The following KCTD8 variants were observed in gnomAD, a reference collection of about 807,000 sequenced individuals.
The protein encoded by KCTD8 is BTB/POZ domain-containing protein KCTD8.
A neutral mutation model predicts 31.5 loss-of-function variants in KCTD8; 27 were observed. That is an observed-to-expected ratio of 0.86 (90% CI 0.63 to 1.18). The LOEUF (loss-of-function observed/expected upper bound fraction) is 1.18. Ranked by LOEUF, KCTD8 falls within the 50% of genes most tolerant of loss-of-function variation. KCTD8 has a pLI of 0.00. For synonymous variants in KCTD8, 290 were observed against 280.0 expected, an observed-to-expected ratio of 1.04 and a Z score of -0.36; for missense variants, 658 against 647.7, an observed-to-expected ratio of 1.02 and a Z score of -0.17.
intron 1 of KCTD8, among the ~76,000 whole-genome samples, chr4:44,178,469 A>T (rs1713282859): frequency 6.6e-6 from 1 of 152,108 alleles, no homozygotes. Context: ...TATATAAATA[A>T]ATGTTGTTTT....
intron 1 of KCTD8, among the ~76,000 whole-genome samples, chr4:44,212,038 A>G (rs182094007): frequency 9.9e-4 from 151 of 152,308 alleles, no homozygotes; most frequent in Admixed American, 1.9e-3. Flanking sequence ...AACATTATAC[A>G]CAGAGAATAG....
At chr4:44,220,212 G>C (rs961647318) in intron 1 of KCTD8, among the ~76,000 whole-genome samples, 1 of 152,158 alleles carries the variant, frequency 6.6e-6, no homozygotes, top group Non-Finnish European at 1.5e-5. Context: ...GATATAGAGT[G>C]GGGGATAGAC....
At chr4:44,211,178 A>C (rs1039605771) in intron 1 of KCTD8, among the ~76,000 whole-genome samples, 3 of 152,230 alleles carry the variant, frequency 2.0e-5, no homozygotes, top group African/African-American at 7.2e-5. Context: ...GTAACATGTT[A>C]TATAATGAAG....
intron 1 of KCTD8, among the ~76,000 whole-genome samples, chr4:44,374,269 G>A (rs962176286): frequency 6.6e-6 from 1 of 152,136 alleles, no homozygotes; most frequent in Admixed American, 6.5e-5. Flanking sequence ...AGAACAGCGG[G>A]CTGACCTAAA....
chr4:44,268,204 T>C (rs1357133522), intron 1 of KCTD8, among the ~76,000 whole-genome samples: 1 of 151,670 alleles, frequency 6.6e-6, no homozygotes, highest in African/African-American at 2.4e-5. Context: ...CATAATCAAG[T>C]GGGCTTCATC....
intron 1 of KCTD8, among the ~76,000 whole-genome samples, chr4:44,365,601 A>G (rs780570690): frequency 6.6e-6 from 1 of 152,198 alleles, no homozygotes. Context: ...GGCAAAAAAT[A>G]GTAATCTTAA....
At chr4:44,385,426 A>G (rs2109445884) in intron 1 of KCTD8, among the ~76,000 whole-genome samples, 1 of 151,842 alleles carries the variant, frequency 6.6e-6, no homozygotes, top group South Asian at 2.1e-4. Flanking sequence ...ATTTTTGACA[A>G]AAGTGCCAAC....
rs184972342 is a variant in KCTD8, at chr4:44,448,403, G to A, written c.121C>T (p.Pro41Ser). 3.2e-5 allele frequency: 51 copies of A among 1,576,980 alleles called. No homozygotes were observed. The highest frequency in any genetic ancestry group is 4.3e-5 in the Non-Finnish European group (50 of 1,166,626). The change falls in exon 1 of 2, where the codon CCC becomes TCC. Residue 41 changes from proline to serine, a missense_variant. Physicochemically the swap from Pro to Ser is moderately conservative, Grantham distance 74 (BLOSUM62 -1). Transcript: ENST00000360029. The surrounding 1 kb of genome is among the most constrained non-coding windows in gnomAD (Gnocchi z 4.1). ...TTCAGCTCCACTACTTCAGGGAAGG[G>A]CGAGGGTGCGCAGGGCCCCGGGGCG... ...AAAPGPCAPSPFPEVVELNVG... is the reference protein window; with the variant it reads ...AAAPGPCAPSSFPEVVELNVG...
chr4:44,247,825 G>A (rs2109359970), intron 1 of KCTD8, among the ~76,000 whole-genome samples: 1 of 151,802 alleles, frequency 6.6e-6, no homozygotes, highest in Non-Finnish European at 1.5e-5. Context: ...TATATATATA[G>A]GCATATATAT....
chr4:44,222,013 A>G (rs772899492), intron 1 of KCTD8, among the ~76,000 whole-genome samples: 1 of 152,146 alleles, frequency 6.6e-6, no homozygotes, highest in African/African-American at 2.4e-5. Context: ...AAAATCAATA[A>G]CCATGTCTGT....
intron 1 of KCTD8, among the ~76,000 whole-genome samples, chr4:44,291,116 T>C (rs1717259929): frequency 6.6e-6 from 1 of 151,984 alleles, no homozygotes; most frequent in African/African-American, 2.4e-5. Flanking sequence ...CAATCAGAAA[T>C]GACAGAGATA....
chr4:44,424,935 G>A (rs1721308885), intron 1 of KCTD8, among the ~76,000 whole-genome samples: 1 of 151,786 alleles, frequency 6.6e-6, no homozygotes, highest in Non-Finnish European at 1.5e-5. Context: ...TTGGAAATAG[G>A]GTCTTTAAGG....
chr4:44,212,110 G>A (rs1714499637), intron 1 of KCTD8, among the ~76,000 whole-genome samples: 1 of 152,142 alleles, frequency 6.6e-6, no homozygotes, highest in South Asian at 2.1e-4. Context: ...GATAGCACAA[G>A]GGGATATTTG....
chr4:44,308,509 C>T (rs1351147431), intron 1 of KCTD8, among the ~76,000 whole-genome samples: 1 of 151,948 alleles, frequency 6.6e-6, no homozygotes, highest in Non-Finnish European at 1.5e-5. Context: ...TAATTTAACC[C>T]ATTCTATTTG....
intron 1 of KCTD8, among the ~76,000 whole-genome samples, chr4:44,368,391 AAAAAT>A (rs80190606): frequency 1.3e-5 from 2 of 151,508 alleles, no homozygotes; most frequent in East Asian, 2.0e-4. Context: ...TCTCAAAGAA[AAAAAT>A]AAAATAAAAT....
At position 44,185,026 on chromosome 4, in the gene KCTD8, T is replaced by C. The variant is rs534720786; in HGVS notation, c.962-9776A>G. On this transcript the variant is annotated intron_variant, in intron 1 of 1. Coordinates refer to ENST00000360029, the MANE Select transcript of KCTD8 (RefSeq NM_198353.3). The stretch of plus-strand genomic sequence containing the variant: ...AAGAAAAGAAATATCAGAGAAAATA[T>C]AATGTAGCATGAGAAAAGAAGTGCC... Among the ~76,000 whole-genome samples, 5 of 152,334 alleles carry C rather than the reference T, an allele frequency of 3.3e-5. No individual in the cohort carries two copies. The South Asian group carries it at 8.3e-4, about 25-fold the overall frequency.
chr4:44,183,013 A>AT (rs1432817508), intron 1 of KCTD8, among the ~76,000 whole-genome samples: 39 of 152,352 alleles, frequency 2.6e-4, no homozygotes, highest in African/African-American at 9.1e-4. Context: ...CTAATTGGCC[A>AT]TGACATGGTC....
At chr4:44,329,208 T>C (rs912747137) in intron 1 of KCTD8, among the ~76,000 whole-genome samples, 1 of 151,786 alleles carries the variant, frequency 6.6e-6, no homozygotes, top group Non-Finnish European at 1.5e-5. Flanking sequence ...GGGTTTGTTT[T>C]TCTTGAAATC....
intron 1 of KCTD8, among the ~76,000 whole-genome samples, chr4:44,334,837 G>T (rs978932013): frequency 8.5e-5 from 13 of 152,060 alleles, no homozygotes; most frequent in African/African-American, 3.1e-4. Flanking sequence ...TTGAAAGTTT[G>T]CTCAATTGCT....
Sources: allele counts gnomAD v4.1 joint callset (sites outside exome capture counted in the v4.1 genomes callset), GRCh38; gene constraint gnomAD v4.1.1; non-coding constraint Gnocchi (gnomAD v3.1); transcripts MANE v1.5; gene names NCBI Gene and HGNC (gene_info 2026-07-23, HGNC 2026-07-21).